Variants in SLC38A6 observed in about 807,000 individuals in gnomAD.
SLC38A6 encodes the protein solute carrier family 38 member 6, also known as N system amino acid transporter NAT-1.
A neutral mutation model predicts 65.0 loss-of-function variants in SLC38A6; 73 were observed. That is an observed-to-expected ratio of 1.12 (90% CI 0.93 to 1.37). The LOEUF (loss-of-function observed/expected upper bound fraction) is 1.37. Ranked by LOEUF, SLC38A6 falls within the 40% of genes most tolerant of loss-of-function variation. The pLI is 0.00. For synonymous variants in SLC38A6, 183 were observed against 178.8 expected, an observed-to-expected ratio of 1.02 and a Z score of -0.19; for missense variants, 561 against 531.1, an observed-to-expected ratio of 1.06 and a Z score of -0.55.
chr14:61,078,824 G>A lies in SLC38A6; in HGVS notation c.1305G>A (p.Ser435=), dbSNP rs143760849. ...TTTTGAGACAGGGTCTCATTCTGTC[G>A]CACAGGTTGGCGTGCAGTGGTGTGA... Residue 435 remains serine (S), a synonymous_variant, in exon 16 of 17, where the codon TCG becomes TCA. Transcript: ENST00000354886. The A allele has an allele frequency of 1.3e-3, 277 of 206,048 alleles. 1 individual carries two copies. The highest frequency in any genetic ancestry group is 6.3e-3 in the African/African-American group (256 of 40,540). The allele number at this position is 206,048 out of a possible 1,614,324, so 12.8% of individuals were successfully genotyped here.
intron 15 of SLC38A6, among the ~76,000 whole-genome samples, chr14:61,067,714 C>CAT (rs139123364): frequency 1.4e-3 from 207 of 151,290 alleles, no homozygotes; most frequent in Middle Eastern, 3.4e-3. Flanking sequence ...CACACACACA[C>CAT]ATATATATAT....
At chr14:61,083,426 G>T in intron 16 of SLC38A6, 1 of 1,383,406 alleles carries the variant, frequency 7.2e-7, no homozygotes, top group South Asian at 1.5e-5. Flanking sequence ...AAATTCGTAG[G>T]TTGAGGCCCC....
At chr14:60,988,306 T>C (rs2037605284) in intron 3 of SLC38A6, among the ~76,000 whole-genome samples, 1 of 152,238 alleles carries the variant, frequency 6.6e-6, no homozygotes, top group South Asian at 2.1e-4. Context: ...ATGTATACCA[T>C]CTACGGCTCT....
intron 3 of SLC38A6, chr14:60,987,114 C>T (rs537772151): frequency 5.3e-6 from 2 of 375,022 alleles, no homozygotes; most frequent in South Asian, 4.0e-5. Flanking sequence ...CACCTGTCTT[C>T]CGTTGATTGA....
Position 60,991,417 on chromosome 14 carries a change from A to G in SLC38A6, c.310+6614A>G, listed in dbSNP as rs974073267. 3.9e-5 allele frequency among the ~76,000 whole-genome samples: 6 copies of G among 152,170 alleles called. No individual in the cohort carries two copies. The South Asian group carries it at 1.2e-3, about 32-fold the overall frequency. ...TAATAATATTATGAGGTACGTATCA[A>G]TATTATTTCCATTTTTTGAAATGAG... is the stretch of plus-strand genomic sequence containing the variant. On this transcript the variant is annotated intron_variant, in intron 3 of 15. Coordinates refer to ENST00000267488, the MANE Select transcript of SLC38A6 (RefSeq NM_153811.3).
intron 10 of SLC38A6, 152 bp downstream of exon 10, chr14:61,043,655 A>G (rs978807424): frequency 1.7e-5 from 6 of 353,394 alleles, no homozygotes; most frequent in Non-Finnish European, 3.0e-5. Flanking sequence ...GAAGACTACT[A>G]TTATTTAACA....
chr14:61,015,965 T>G lies in SLC38A6; in HGVS notation c.363+9T>G. The G allele has an allele frequency of 6.2e-7, 1 of 1,604,338 alleles. No individual in the cohort carries two copies. Among genetic ancestry groups the G allele is most frequent in the Non-Finnish European group, 8.5e-7 (1 of 1,176,940 alleles). On this transcript the variant is annotated intron_variant, in intron 4 of 15. Transcript: ENST00000267488. ...TTGGATTACCTGGAAAGGTAATTTT[T>G]TTTCCTCCTCATTGTGTCCAAAACC...
intron 5 of SLC38A6, among the ~76,000 whole-genome samples, chr14:61,029,314 G>A (rs112257554): frequency 6.6e-6 from 1 of 151,902 alleles, no homozygotes; most frequent in Admixed American, 6.6e-5. Context: ...CTGCCACCAC[G>A]CCTGGCTAAT....
At position 60,982,604 on chromosome 14, in the gene SLC38A6, T is replaced by A; in HGVS notation, c.202T>A (p.Tyr68Asn). ...IMGSGILGLA[Y>N]VLANTGVFGF... ...GGGAAGTGGCATCCTTGGCTTAGCT[T>A]ATGTTTTGGCTAATACCGGTGTCTT... The change falls in exon 2 of 16, where the codon TAT becomes AAT. Residue 68 changes from tyrosine (Y) to asparagine (N), a missense_variant. Coordinates refer to ENST00000267488, the MANE Select transcript of SLC38A6 (RefSeq NM_153811.3). The A allele has an allele frequency of 6.2e-7, 1 of 1,614,000 alleles. No homozygotes were observed. The highest frequency in any genetic ancestry group is 8.5e-7 in the Non-Finnish European group (1 of 1,180,014).
At chr14:61,016,996 T>C (rs1225842630) in intron 4 of SLC38A6, among the ~76,000 whole-genome samples, 1 of 152,188 alleles carries the variant, frequency 6.6e-6, no homozygotes, top group Non-Finnish European at 1.5e-5. Context: ...AGCTATACAA[T>C]GGAAAGAAAA....
chr14:61,016,012 G>A, intron 4 of SLC38A6, 56 bp downstream of exon 4: 1 of 1,398,270 alleles, frequency 7.2e-7, no homozygotes. Context: ...TTTTCCTTTT[G>A]TTTCAAGTTA....
chr14:60,986,491 T>G (rs2037459577), intron 3 of SLC38A6, among the ~76,000 whole-genome samples: 1 of 152,246 alleles, frequency 6.6e-6, no homozygotes, highest in Admixed American at 6.5e-5. Flanking sequence ...CTAACAGTGC[T>G]TTGGCCATCC....
intron 5 of SLC38A6, among the ~76,000 whole-genome samples, chr14:61,026,713 C>A: frequency 6.6e-6 from 1 of 151,680 alleles, no homozygotes; most frequent in Non-Finnish European, 1.5e-5. Flanking sequence ...GTTAATAGAA[C>A]GAGTTTCTCA....
chr14:61,033,102 C>T (rs2041111985), intron 6 of SLC38A6, among the ~76,000 whole-genome samples: 2 of 151,922 alleles, frequency 1.3e-5, no homozygotes, highest in Admixed American at 1.3e-4. Flanking sequence ...TGGAAGCTCT[C>T]TGTTAACATT....
At chr14:61,018,217 T>A (rs2040132438) in intron 4 of SLC38A6, among the ~76,000 whole-genome samples, 1 of 152,172 alleles carries the variant, frequency 6.6e-6, no homozygotes, top group African/African-American at 2.4e-5. Context: ...AAAACCAAAT[T>A]TCATGTATAC....
At chr14:61,083,555 G>A in exon 17 of SLC38A6, 1 of 1,549,738 alleles carries the variant, frequency 6.5e-7, no homozygotes, top group Non-Finnish European at 8.7e-7. Context: ...GTAAGAAAAG[G>A]AAGAGATACC....
intron 15 of SLC38A6, among the ~76,000 whole-genome samples, chr14:61,075,777 TTGTGTGTGTGTGTGTGTGTGTGTGTGTG>T (rs57421102): frequency 8.6e-4 from 106 of 123,390 alleles, no homozygotes; most frequent in Non-Finnish European, 1.3e-3. Flanking sequence ...ATCAACCTGT[TTGTGTGTGTGTGTGTGTGTGTGTGTGTG>T]TGTGTGTGTG....
chr14:61,041,662 C>T (rs2139771191), intron 8 of SLC38A6, among the ~76,000 whole-genome samples: 1 of 152,182 alleles, frequency 6.6e-6, no homozygotes, highest in Middle Eastern at 3.4e-3. Context: ...ACTTTGGGAG[C>T]CTGGGACAGG....
At chr14:61,072,985 C>A (rs955054126) in intron 15 of SLC38A6, among the ~76,000 whole-genome samples, 1 of 152,178 alleles carries the variant, frequency 6.6e-6, no homozygotes, top group African/African-American at 2.4e-5. Context: ...TACTAATTTA[C>A]ATCCCCCCCA....
Sources: gnomAD v4.1 joint callset for allele counts (sites outside exome capture counted in the v4.1 genomes callset) on GRCh38, gnomAD v4.1.1 for gene constraint, MANE v1.5 for transcripts, NCBI Gene and HGNC (gene_info 2026-07-23, HGNC 2026-07-21) for gene names.